MECOM: variants seen among roughly 807,000 people sequenced by gnomAD.
The protein encoded by MECOM is MDS1 and EVI1 complex locus.
A neutral mutation model predicts 116.3 loss-of-function variants in MECOM; 13 were observed. That is an observed-to-expected ratio of 0.11 (90% CI 0.07 to 0.18). The LOEUF (loss-of-function observed/expected upper bound fraction) is 0.18, where lower values mean the gene tolerates loss of function less well. Among genes scored for constraint, MECOM ranks in the 10% least tolerant of loss-of-function variants. MECOM has a pLI of 1.00. For missense variants in MECOM, 1,299 were observed against 1,509.0 expected (o/e 0.86, Z 2.31); for synonymous variants, 528 against 535.2 (o/e 0.99, Z 0.19).
Position 169,112,854 on chromosome 3 carries a change from G to A in MECOM, c.2510C>T (p.Thr837Ile). The change falls in exon 9 of 17, where the codon ACT becomes ATT. Residue 837 changes from threonine to isoleucine, a missense_variant. By Grantham distance (89) the Thr-to-Ile change is moderately conservative (BLOSUM62 -1). Around this residue, in one of 6 missense-constraint regions of MECOM, gnomAD observed 340 missense variants for 312.6 expected, o/e 1.09. Coordinates refer to ENST00000651503, the MANE Select transcript of MECOM (RefSeq NM_004991.4). ...CTCTTTTAAAGCTTCAAGTGGGTCAGTTAGTTTTCTTTTCTCTACTCTGAA... is the reference window on the plus strand; with the variant it reads ...CTCTTTTAAAGCTTCAAGTGGGTCAATTAGTTTTCTTTTCTCTACTCTGAA... Reference protein sequence around the residue: ...PIYRVEKRKLTDPLEALKEKY... With the variant: ...PIYRVEKRKLIDPLEALKEKY... 1 of 1,612,646 alleles carries A rather than the reference G, an allele frequency of 6.2e-7. No individual in the cohort carries two copies. Among genetic ancestry groups the A allele is most frequent in the Non-Finnish European group, 8.5e-7 (1 of 1,179,154 alleles).
At chr3:169,346,275 C>G (rs1297962589) in intron 2 of MECOM, among the ~76,000 whole-genome samples, 4 of 152,062 alleles carry the variant, frequency 2.6e-5, no homozygotes, top group Non-Finnish European at 5.9e-5. Context: ...CCAGGTCAAA[C>G]TATTTATTCT....
chr3:169,382,040 G>GT, intron 1 of MECOM, among the ~76,000 whole-genome samples: 1 of 152,270 alleles, frequency 6.6e-6, no homozygotes, highest in South Asian at 2.1e-4. Context: ...GAATATTAGT[G>GT]TTTTTTCTTT....
At chr3:169,336,954 A>T (rs1053382328) in intron 2 of MECOM, among the ~76,000 whole-genome samples, 1 of 152,140 alleles carries the variant, frequency 6.6e-6, no homozygotes, top group Non-Finnish European at 1.5e-5. Flanking sequence ...TTCCGAGAGA[A>T]ATTCAATGCA....
intron 1 of MECOM, among the ~76,000 whole-genome samples, chr3:169,608,093 T>G (rs1488834594): frequency 1.3e-5 from 2 of 152,224 alleles, no homozygotes; most frequent in African/African-American, 4.8e-5. Context: ...TCCGATCCAG[T>G]GCCCACATGT....
chr3:169,218,637 T>G (rs1751718003), intron 2 of MECOM, among the ~76,000 whole-genome samples: 2 of 152,196 alleles, frequency 1.3e-5, no homozygotes, highest in African/African-American at 4.8e-5. Context: ...TTGTGGAATT[T>G]TGAATACTGT....
At chr3:169,552,970 C>T (rs905778945) in intron 1 of MECOM, among the ~76,000 whole-genome samples, 2 of 151,690 alleles carry the variant, frequency 1.3e-5, no homozygotes, top group Non-Finnish European at 2.9e-5. Context: ...AAACCTTAAA[C>T]TTATAATATT....
intron 1 of MECOM, among the ~76,000 whole-genome samples, chr3:169,416,208 A>G (rs780836627): frequency 6.6e-6 from 1 of 152,234 alleles, no homozygotes; most frequent in African/African-American, 2.4e-5. Flanking sequence ...ATTAGAACTC[A>G]GGATTAAGAA....
At chr3:169,203,897 C>T (rs573588830) in intron 2 of MECOM, among the ~76,000 whole-genome samples, 11 of 152,272 alleles carry the variant, frequency 7.2e-5, no homozygotes, top group African/African-American at 2.6e-4. Flanking sequence ...TTCAACCAAC[C>T]TCATTTCCAT....
intron 2 of MECOM, among the ~76,000 whole-genome samples, chr3:169,154,546 A>G (rs371668500): frequency 1.3e-5 from 2 of 152,178 alleles, no homozygotes; most frequent in African/African-American, 4.8e-5. Flanking sequence ...TCTGACCACC[A>G]TTCACTCTCC....
intron 2 of MECOM, among the ~76,000 whole-genome samples, chr3:169,262,228 C>A (rs1757666290): frequency 6.6e-6 from 1 of 152,178 alleles, no homozygotes; most frequent in Non-Finnish European, 1.5e-5. Flanking sequence ...TAACAATATA[C>A]CTTAATTTCA....
At chr3:169,663,313 T>C (rs370533971) in intron 1 of MECOM, 23 bp downstream of exon 1, 117 of 1,602,838 alleles carry the variant, frequency 7.3e-5, no homozygotes, top group Non-Finnish European at 9.1e-5. Context: ...GAAAAGCCAA[T>C]AGAAAAGGGA....
At chr3:169,408,559 C>T (rs1262670981) in intron 1 of MECOM, among the ~76,000 whole-genome samples, 4 of 152,186 alleles carry the variant, frequency 2.6e-5, no homozygotes, top group African/African-American at 9.6e-5. Flanking sequence ...TCCCAAAACA[C>T]GGTCTTGATG....
intron 1 of MECOM, among the ~76,000 whole-genome samples, chr3:169,485,970 A>ATATATAGTATATATG (rs1560340749): frequency 5.1e-5 from 5 of 97,734 alleles, no homozygotes; most frequent in African/African-American, 2.3e-4. Flanking sequence ...TATACTATAT[A>ATATATAGTATATATG]TACATATATA....
chr3:169,640,569 T>C (rs1773338698), intron 1 of MECOM, among the ~76,000 whole-genome samples: 1 of 152,200 alleles, frequency 6.6e-6, no homozygotes, highest in Admixed American at 6.5e-5. Context: ...GGGGTGGTGG[T>C]AACAGTAGCA....
At chr3:169,306,792 T>C (rs188217233) in intron 2 of MECOM, among the ~76,000 whole-genome samples, 1 of 152,360 alleles carries the variant, frequency 6.6e-6, no homozygotes, top group East Asian at 1.9e-4. Context: ...TCTGTCATCC[T>C]AAAGGGTTTC....
At position 169,389,752 on chromosome 3, in the gene MECOM, G is replaced by A. The variant is rs573993994; in HGVS notation, c.38-8228C>T. On this transcript the variant is annotated intron_variant, in intron 1 of 16. Transcript: ENST00000651503. ...CCATATCTACAGTAATTATTTGCCA[G>A]CATATCTAAAAGAAGGCAGGCATTT... Among the ~76,000 whole-genome samples the A allele has an allele frequency of 3.3e-5, 5 of 152,286 alleles. No homozygotes were observed. In the East Asian group the frequency reaches 9.6e-4, roughly 29 times the overall value.
intron 1 of MECOM, among the ~76,000 whole-genome samples, chr3:169,585,014 T>C (rs1257452593): frequency 2.6e-5 from 4 of 152,220 alleles, no homozygotes; most frequent in Non-Finnish European, 5.9e-5. Context: ...CCACAGATTA[T>C]CAAGCAAGAT....
At chr3:169,097,260 A>G (rs1470103353) in intron 12 of MECOM, among the ~76,000 whole-genome samples, 4 of 152,162 alleles carry the variant, frequency 2.6e-5, no homozygotes, top group Non-Finnish European at 5.9e-5. Flanking sequence ...AGTAAGCACC[A>G]TCTTCTCAAA....
At chr3:169,245,754 AT>A (rs1315061197) in intron 2 of MECOM, among the ~76,000 whole-genome samples, 18 of 152,218 alleles carry the variant, frequency 1.2e-4, no homozygotes, top group African/African-American at 4.3e-4. Flanking sequence ...AGTACAGAGC[AT>A]TGAGTCTTGC....
Sources: gnomAD v4.1 joint callset for allele counts (sites outside exome capture counted in the v4.1 genomes callset) on GRCh38, gnomAD v4.1.1 for gene constraint, gnomAD v4.1.1 regional missense constraint, MANE v1.5 for transcripts, NCBI Gene and HGNC (gene_info 2026-07-23, HGNC 2026-07-21) for gene names.